Variants in ERMP1 observed in about 807,000 individuals in gnomAD.
ERMP1 encodes the protein endoplasmic reticulum metallopeptidase 1, also known as Felix-ina.
ERMP1 carries 86 observed loss-of-function variants against 92.0 expected under a neutral mutation model. The observed-to-expected ratio is 0.93, with a 90% CI of 0.79 to 1.12. The LOEUF is 1.12. Ranked by LOEUF, ERMP1 falls within the 50% of genes most tolerant of loss-of-function variation. ERMP1 has a pLI of 0.00. For synonymous variants in ERMP1, 530 were observed against 412.8 expected (o/e 1.28, Z -3.44); for missense variants, 1,342 against 1,116.3 (o/e 1.20, Z -2.88).
At chr9:5,819,156 G>T (rs764716342) in intron 4 of ERMP1, among the ~76,000 whole-genome samples, 2 of 151,998 alleles carry the variant, frequency 1.3e-5, no homozygotes, top group Non-Finnish European at 2.9e-5. Context: ...TCTAAAAGTG[G>T]AAACAATCCA....
intron 1 of ERMP1, among the ~76,000 whole-genome samples, chr9:5,831,247 C>T (rs1338108569): frequency 6.6e-6 from 1 of 152,208 alleles, no homozygotes; most frequent in Non-Finnish European, 1.5e-5. Flanking sequence ...TCAGTTTTCT[C>T]CACCATCCCA....
intron 6 of ERMP1, among the ~76,000 whole-genome samples, chr9:5,838,389 A>G (rs949817099): frequency 2.6e-5 from 4 of 151,970 alleles, no homozygotes; most frequent in Non-Finnish European, 5.9e-5. Context: ...AAAAAATACC[A>G]AAAAAATTAG....
rs1563755104 is a variant in ERMP1 at position 5,805,642 on chromosome 9, C to G, written c.1692G>C (p.Lys564Asn). Residue 564 changes from lysine to asparagine, a missense_variant, in exon 9 of 15, where the codon AAG becomes AAC. Physicochemically the swap from Lys to Asn is moderately conservative, Grantham distance 94 (BLOSUM62 0). Transcript: ENST00000339450. ...GCTTGAAGTCCTTATGCACACAGAGCTTTGTGAGCAATGGGAATGCTACCC... is the reference window on the plus strand; with the variant it reads ...GCTTGAAGTCCTTATGCACACAGAGGTTTGTGAGCAATGGGAATGCTACCC... ...AVWVAFPLLT[K>N]LCVHKDFKQH... 1.1e-5 allele frequency: 18 copies of G among 1,607,850 alleles called. No individual in the cohort carries two copies. The highest frequency in any genetic ancestry group is 2.2e-5 in the South Asian group (2 of 90,046).
intron 11 of ERMP1, among the ~76,000 whole-genome samples, chr9:5,799,960 G>A (rs1317105901): frequency 6.6e-6 from 1 of 152,052 alleles, no homozygotes; most frequent in African/African-American, 2.4e-5. Context: ...TGTCCTTCAG[G>A]ACTATAACAA....
chr9:5,791,254 G>C (rs1162515985), intron 13 of ERMP1: 8 of 456,782 alleles, frequency 1.8e-5, no homozygotes, highest in Middle Eastern at 3.3e-4. Context: ...AGGCTGGCAA[G>C]TCCAAAATCT....
chr9:5,851,067 G>A (rs1830302677), intron 6 of ERMP1, among the ~76,000 whole-genome samples: 1 of 152,156 alleles, frequency 6.6e-6, no homozygotes, highest in Non-Finnish European at 1.5e-5. Flanking sequence ...AGACCCTTCA[G>A]AACAAAATCT....
intron 13 of ERMP1, 72 bp downstream of exon 13, chr9:5,797,745 A>G (rs1477415192): frequency 1.1e-6 from 1 of 918,826 alleles, no homozygotes; most frequent in Non-Finnish European, 1.7e-6. Context: ...TATCTGAGGG[A>G]AAAACATACA....
At chr9:5,846,346 G>T (rs1830233414) in intron 6 of ERMP1, among the ~76,000 whole-genome samples, 1 of 152,086 alleles carries the variant, frequency 6.6e-6, no homozygotes, top group South Asian at 2.1e-4. Flanking sequence ...TCAAATCCTA[G>T]CTCTGCTACT....
chr9:5,801,868 T>C (rs1586781264), intron 10 of ERMP1, among the ~76,000 whole-genome samples: 1 of 152,182 alleles, frequency 6.6e-6, no homozygotes, highest in East Asian at 1.9e-4. Context: ...AAGTGACAAA[T>C]TAACCAATGC....
rs190153714 is a variant in ERMP1 at position 5,784,808 on chromosome 9, C to T, written c.*2336G>A. 3 of 123,828 alleles carry T rather than the reference C, an allele frequency of 2.4e-5. No individual in the cohort carries two copies. The highest frequency in any genetic ancestry group is 5.0e-4 in the South Asian group (2 of 4,014). 7.7% of individuals were successfully genotyped at this position (123,828 alleles called of 1,614,324 possible). A position where few individuals can be genotyped will look rare whatever the true frequency, so the allele number is the denominator to read the frequency against. Reference sequence around the variant, plus strand: ...ATCATTCTTAGGTCAAACACAAGAACGAACTATTTTGAAATCAATTCCTCA... The same window carrying T: ...ATCATTCTTAGGTCAAACACAAGAATGAACTATTTTGAAATCAATTCCTCA... On this transcript the variant is annotated 3_prime_UTR_variant, in exon 15 of 15. Coordinates refer to ENST00000339450, the MANE Select transcript of ERMP1 (RefSeq NM_024896.3).
intron 6 of ERMP1, among the ~76,000 whole-genome samples, chr9:5,840,402 G>A (rs4628310): frequency 0.63 from 95,212 of 151,998 alleles, 33,637 homozygotes; most frequent in Non-Finnish European, 0.79. Flanking sequence ...CATAGCCAAG[G>A]GTTCACATGT....
At chr9:5,822,409 T>C (rs1829575272) in intron 4 of ERMP1, among the ~76,000 whole-genome samples, 1 of 152,184 alleles carries the variant, frequency 6.6e-6, no homozygotes, top group African/African-American at 2.4e-5. Flanking sequence ...GCTTCTGACA[T>C]CATGACCTTG....
chr9:5,831,630 G>A (rs975012208), intron 1 of ERMP1, among the ~76,000 whole-genome samples: 1 of 152,112 alleles, frequency 6.6e-6, no homozygotes, highest in Non-Finnish European at 1.5e-5. Context: ...AAAAGCTAAA[G>A]ACTAAGCAGG....
At chr9:5,805,994 T>G (rs2131227872) in intron 8 of ERMP1, among the ~76,000 whole-genome samples, 1 of 152,294 alleles carries the variant, frequency 6.6e-6, no homozygotes, top group East Asian at 1.9e-4. Flanking sequence ...AAAGGGCATT[T>G]TAACAATATA....
chr9:5,790,186 T>C (rs1005722214), intron 13 of ERMP1, among the ~76,000 whole-genome samples: 5 of 149,500 alleles, frequency 3.3e-5, no homozygotes, highest in Non-Finnish European at 5.9e-5. Context: ...TTTTTTTTTT[T>C]TTTTTTCCCC....
At chr9:5,860,748 C>T (rs1830461964) in intron 5 of ERMP1, among the ~76,000 whole-genome samples, 1 of 151,502 alleles carries the variant, frequency 6.6e-6, no homozygotes, top group South Asian at 2.1e-4. Context: ...CATATCTGGC[C>T]TCATTAAAAA....
intron 6 of ERMP1, among the ~76,000 whole-genome samples, chr9:5,852,588 T>G (rs916673099): frequency 6.6e-6 from 1 of 151,484 alleles, no homozygotes; most frequent in Non-Finnish European, 1.5e-5. Context: ...GCTCAAATAC[T>G]GGAATCTTTG....
rs925797965 is a variant in ERMP1 at position 5,799,001 on chromosome 9, G to A, written c.2075C>T (p.Thr692Ile). 2 of 1,611,868 alleles carry A rather than the reference G, an allele frequency of 1.2e-6. No homozygotes were observed. Among genetic ancestry groups the A allele is most frequent in the Non-Finnish European group, 8.5e-7 (1 of 1,178,564 alleles). The part of the protein sequence containing the change: ...KPKRVFLQHM[T>I]RTFHDLEGNA... Reference sequence around the variant, plus strand: ...TCCTTCCAAGTCATGGAATGTTCTAGTCATATGCTGAAAAAAAAAGACTAG... The same window carrying A: ...TCCTTCCAAGTCATGGAATGTTCTAATCATATGCTGAAAAAAAAAGACTAG... Residue 692 changes from threonine (T) to isoleucine (I), a missense_variant, in exon 12 of 15, where the codon ACT (threonine) becomes ATT (isoleucine). Physicochemically the swap from Thr to Ile is moderately conservative, Grantham distance 89. Transcript: ENST00000339450.
intron 4 of ERMP1, among the ~76,000 whole-genome samples, chr9:5,816,416 A>G (rs995716957): frequency 3.9e-5 from 6 of 152,318 alleles, no homozygotes; most frequent in African/African-American, 1.4e-4. Flanking sequence ...AATGTAGTGA[A>G]TTACACAGAT....
Sources: allele counts gnomAD v4.1 joint callset (sites outside exome capture counted in the v4.1 genomes callset), GRCh38; gene constraint gnomAD v4.1.1; transcripts MANE v1.5; gene names NCBI Gene and HGNC (gene_info 2026-07-23, HGNC 2026-07-21).